SULT1C2: variants seen among roughly 807,000 people sequenced by gnomAD.
SULT1C2 encodes sulfotransferase 1C2.
A neutral mutation model predicts 36.0 loss-of-function variants in SULT1C2; 27 were observed. The ratio of observed to expected loss-of-function variants is 0.75; its 90% confidence interval spans 0.55 to 1.03. SULT1C2 has a LOEUF of 1.03. Ranked by LOEUF, SULT1C2 falls within the 50% of genes least tolerant of loss-of-function variation. The pLI is 0.00. For missense variants in SULT1C2, 395 were observed against 359.2 expected, an observed-to-expected ratio of 1.10 and a Z score of -0.80; for synonymous variants, 121 against 116.0, an observed-to-expected ratio of 1.04 and a Z score of -0.27.
chr2:108,305,926 C>G (rs17036110), intron 7 of SULT1C2, among the ~76,000 whole-genome samples: 1 of 152,168 alleles, frequency 6.6e-6, no homozygotes, highest in Admixed American at 6.5e-5. Context: ...TCCCAGGGGC[C>G]GCTGGATCTC....
At chr2:108,294,007 C>T (rs1676661290) in intron 2 of SULT1C2, among the ~76,000 whole-genome samples, 189 bp downstream of exon 2, 2 of 152,210 alleles carry the variant, frequency 1.3e-5, no homozygotes, top group Non-Finnish European at 2.9e-5. Flanking sequence ...CTACCATGCA[C>T]TGGTCTTGGG....
At chr2:108,290,282 G>T (rs1676557163) in intron 1 of SULT1C2, among the ~76,000 whole-genome samples, 1 of 152,214 alleles carries the variant, frequency 6.6e-6, no homozygotes, top group East Asian at 1.9e-4. Context: ...GTGTTGCCTT[G>T]TGTGTCCTAA....
chr2:108,291,224 TG>T (rs1235125524), intron 1 of SULT1C2, among the ~76,000 whole-genome samples: 1 of 152,250 alleles, frequency 6.6e-6, no homozygotes, highest in East Asian at 1.9e-4. Flanking sequence ...AAGCCATCAA[TG>T]GCAAGTTGAG....
rs778361814 is a variant in SULT1C2 at position 108,304,612 on chromosome 2, TTCCTAC to T, written c.416_421del (p.Ser139_Tyr140del). 4.3e-6 allele frequency: 7 copies of T among 1,613,436 alleles called. No individual in the cohort carries two copies. The highest frequency in any genetic ancestry group is 1.3e-5 in the African/African-American group (1 of 74,892). On this transcript the variant is annotated inframe_deletion, in exon 5 of 8. Coordinates refer to ENST00000251481, the MANE Select transcript of SULT1C2 (RefSeq NM_001056.4). The stretch of plus-strand genomic sequence containing the variant: ...CTCGAAATGCCAAAGACTGTATGGT[TTCCTAC>T]TACCATTTCCAAAGGATGAACCACA...
At chr2:108,296,217 C>A (rs13410305) in intron 3 of SULT1C2, among the ~76,000 whole-genome samples, 45,456 of 152,104 alleles carry the variant, frequency 0.3, 9,138 homozygotes, top group East Asian at 0.79. Flanking sequence ...GTATTCTTAG[C>A]AGTAGAGAGC....
At chr2:108,299,450 T>C (rs776868400) in intron 3 of SULT1C2, 1 of 152,040 alleles carries the variant, frequency 6.6e-6, no homozygotes, top group African/African-American at 2.4e-5. Flanking sequence ...CCTTGAAGAG[T>C]GAGTGGGACT....
intron 1 of SULT1C2, 59 bp from the exon 2 acceptor site, chr2:108,293,588 T>C (rs1676649624): frequency 6.8e-7 from 1 of 1,477,478 alleles, no homozygotes; most frequent in Non-Finnish European, 9.1e-7. Flanking sequence ...TGATCAATTT[T>C]ATGTTATGTA....
intron 7 of SULT1C2, among the ~76,000 whole-genome samples, chr2:108,306,017 T>C (rs1234189392): frequency 1.2e-4 from 18 of 152,186 alleles, no homozygotes; most frequent in Admixed American, 1.2e-3. Context: ...GCTTTTCACA[T>C]ATCTATTAGG....
intron 3 of SULT1C2, among the ~76,000 whole-genome samples, chr2:108,296,370 T>C (rs1239541692): frequency 1.3e-5 from 2 of 151,796 alleles, no homozygotes; most frequent in African/African-American, 4.8e-5. Context: ...TGTGTGAGAA[T>C]AACAAACAGT....
In SULT1C2 at chr2:108,293,681, C is replaced by T; in HGVS notation, c.14C>T (p.Ser5Leu). 2 of 1,613,936 alleles carry T rather than the reference C, an allele frequency of 1.2e-6. No individual in the cohort carries two copies. The highest frequency in any genetic ancestry group is 1.7e-6 in the Non-Finnish European group (2 of 1,179,922). The change falls in exon 2 of 8, where the codon TCA (serine) becomes TTA (leucine). Residue 5 changes from serine (S) to leucine (L), a missense_variant. Ser to Leu is a moderately radical substitution (Grantham distance 145). Coordinates refer to ENST00000251481, the MANE Select transcript of SULT1C2 (RefSeq NM_001056.4). ...CCCTGAGACACTATGGCCCTGACCT[C>T]AGACCTGGGGAAACAGATAAAACTG... is the stretch of plus-strand genomic sequence containing the variant. MALTSDLGKQIKLKE... is the reference protein window; with the variant it reads MALTLDLGKQIKLKE...
rs150446986 is a variant in SULT1C2, at chr2:108,293,667, T to C, written c.-1T>C. On this transcript the variant is annotated 5_prime_UTR_variant, in exon 2 of 8. Transcript: ENST00000251481. ...CATAGGGACCCCAACCCTGAGACAC[T>C]ATGGCCCTGACCTCAGACCTGGGGA... 1.9e-6 allele frequency: 3 copies of C among 1,612,824 alleles called. No homozygotes were observed. Among genetic ancestry groups the C allele is most frequent in the Non-Finnish European group, 2.5e-6 (3 of 1,179,476 alleles).
intron 2 of SULT1C2, 143 bp from the exon 3 acceptor site, chr2:108,294,086 A>G: frequency 6.8e-7 from 1 of 1,461,488 alleles, no homozygotes; most frequent in East Asian, 2.3e-5. Flanking sequence ...ATGGACTTCT[A>G]TCACTCATGG....
At chr2:108,300,724 A>G (rs1182402155) in intron 3 of SULT1C2, 114 bp from the exon 4 acceptor site, 22 of 1,466,298 alleles carry the variant, frequency 1.5e-5, no homozygotes, top group African/African-American at 2.8e-5. Context: ...AAGAAAGTCA[A>G]GAGACTAGCA....
At chr2:108,291,345 C>A (rs1676585365) in intron 1 of SULT1C2, among the ~76,000 whole-genome samples, 1 of 152,106 alleles carries the variant, frequency 6.6e-6, no homozygotes, top group African/African-American at 2.4e-5. Flanking sequence ...ACATTAGACC[C>A]ACCGGGATAA....
At position 108,297,573 on chromosome 2, in the gene SULT1C2, T is replaced by C. The variant is rs377435013; in HGVS notation, c.277+3219T>C. On this transcript the variant is annotated intron_variant, in intron 3 of 7. Coordinates refer to ENST00000251481, the MANE Select transcript of SULT1C2 (RefSeq NM_001056.4). The stretch of plus-strand genomic sequence containing the variant: ...GGGCTTGGGAATGGGCCCTGCAGCC[T>C]GGGCTGTGTCATGCACACTCTCCAC... Among the ~76,000 whole-genome samples the C allele has an allele frequency of 2.4e-4, 37 of 152,286 alleles. No homozygotes were observed. The East Asian group carries it at 6.8e-3, about 28-fold the overall frequency.
intron 5 of SULT1C2, 101 bp downstream of exon 5, chr2:108,304,801 C>A: frequency 6.8e-7 from 1 of 1,470,398 alleles, no homozygotes; most frequent in Non-Finnish European, 9.1e-7. Flanking sequence ...TGTACTTCAT[C>A]AGGTGTGTCC....
intron 1 of SULT1C2, among the ~76,000 whole-genome samples, chr2:108,293,007 G>A (rs912641638): frequency 3.9e-5 from 6 of 152,016 alleles, no homozygotes; most frequent in Middle Eastern, 3.4e-3. Context: ...GGCGAAACTC[G>A]GTCCCTACTA....
At chr2:108,291,901 T>C (rs541711758) in intron 1 of SULT1C2, among the ~76,000 whole-genome samples, 1 of 152,340 alleles carries the variant, frequency 6.6e-6, no homozygotes, top group Admixed American at 6.5e-5. Context: ...TTCTTTGATG[T>C]ATTATAAATA....
chr2:108,300,374 C>T (rs749442580), intron 3 of SULT1C2: 13 of 159,606 alleles, frequency 8.1e-5, no homozygotes, highest in Non-Finnish European at 1.6e-4. Context: ...AAGACTCCGT[C>T]TCAAAAAAAA....
Sources: allele counts gnomAD v4.1 joint callset (sites outside exome capture counted in the v4.1 genomes callset), GRCh38; gene constraint gnomAD v4.1.1; transcripts MANE v1.5; gene names NCBI Gene and HGNC (gene_info 2026-07-23, HGNC 2026-07-21).